MMS19: variants seen among roughly 807,000 people sequenced by gnomAD.
MMS19 encodes MMS19 nucleotide excision repair protein homolog.
Under a neutral mutation model 129.8 loss-of-function variants are expected in MMS19, and 77 were observed. That is an observed-to-expected ratio of 0.59 (90% CI 0.49 to 0.72). The LOEUF (loss-of-function observed/expected upper bound fraction) is 0.72. MMS19 is among the 30% of genes least tolerant of loss of function. MMS19 has a pLI of 0.00. For missense variants in MMS19, 1,168 were observed against 1,266.3 expected, an observed-to-expected ratio of 0.92 and a Z score of 1.18; for synonymous variants, 491 against 502.8, an observed-to-expected ratio of 0.98 and a Z score of 0.31.
chr10:97,488,497 G>C (rs2038302795), intron 1 of MMS19, among the ~76,000 whole-genome samples: 3 of 152,122 alleles, frequency 2.0e-5, no homozygotes, highest in African/African-American at 7.2e-5. Flanking sequence ...GACCTCCTGA[G>C]GATACTAAAA....
chr10:97,469,629 A>T lies in MMS19; in HGVS notation c.924+17T>A, dbSNP rs763737381. ...ATTGAAAGTTAACAGTAGTGAGTTT[A>T]TCTGAGTGACACTCACCTCTCTGCG... On this transcript the variant is annotated intron_variant, in intron 11 of 30. Transcript: ENST00000438925. 6.3e-7 allele frequency: 1 copy of T among 1,598,538 alleles called. No homozygotes were observed. Among genetic ancestry groups the T allele is most frequent in the Non-Finnish European group, 8.6e-7 (1 of 1,165,928 alleles).
intron 1 of MMS19, among the ~76,000 whole-genome samples, chr10:97,494,560 T>G (rs545780157): frequency 6.6e-6 from 1 of 152,320 alleles, no homozygotes; most frequent in Non-Finnish European, 1.5e-5. Context: ...CTTTAATACT[T>G]TGACTTAAGG....
chr10:97,485,788 C>T (rs564120491), intron 1 of MMS19, among the ~76,000 whole-genome samples: 7 of 152,298 alleles, frequency 4.6e-5, no homozygotes, highest in African/African-American at 1.7e-4. Flanking sequence ...CACTTCATAC[C>T]TGCTAGGATG....
intron 2 of MMS19, among the ~76,000 whole-genome samples, chr10:97,482,735 TATACACACACACACACAC>T (rs2037058600): frequency 7.3e-6 from 1 of 137,802 alleles, no homozygotes; most frequent in East Asian, 2.4e-4. Flanking sequence ...TGTGTATATA[TATACACACACACACACAC>T]ACACACACAC....
At chr10:97,459,307 A>T (rs1250772381) in intron 28 of MMS19, 25 bp from the exon 29 acceptor site, 2 of 1,613,124 alleles carry the variant, frequency 1.2e-6, no homozygotes, top group Non-Finnish European at 1.7e-6. Context: ...CAAGGAGGTG[A>T]GAGCATGCCC....
Position 97,466,854 on chromosome 10 carries a change from A to C in MMS19, c.1345T>G (p.Phe449Val), listed in dbSNP as rs1160447937. Reference sequence around the variant, plus strand: ...GTGCTGGGGTCTGTTAGAGCCATGAATACCAGTGAGCACAGCTGGTCCTTG... The same window carrying C: ...GTGCTGGGGTCTGTTAGAGCCATGACTACCAGTGAGCACAGCTGGTCCTTG... Reference protein sequence around the residue: ...GFKDQLCSLVFMALTDPSTQL... With the variant: ...GFKDQLCSLVVMALTDPSTQL... Residue 449 changes from phenylalanine (F) to valine (V), a missense_variant, in exon 15 of 31, where the codon TTC (phenylalanine) becomes GTC (valine). Coordinates refer to ENST00000438925, the MANE Select transcript of MMS19 (RefSeq NM_022362.5). 1 of 1,614,028 alleles carries C rather than the reference A, an allele frequency of 6.2e-7. No individual in the cohort carries two copies. Among genetic ancestry groups the C allele is most frequent in the East Asian group, 2.2e-5 (1 of 44,882 alleles).
At position 97,477,939 on chromosome 10, in the gene MMS19, A is replaced by G. The variant is rs2036061917; in HGVS notation, c.349-10T>C. On this transcript the variant is annotated splice_polypyrimidine_tract_variant and intron_variant, in intron 4 of 30. Transcript: ENST00000438925. ...GGGCCACACACAGGCTCTGGGGGAG[A>G]GGAGAAGGTACGTGAATACCGAAGG... 1 of 1,580,504 alleles carries G rather than the reference A, an allele frequency of 6.3e-7. No individual in the cohort carries two copies.
intron 26 of MMS19, 140 bp from the exon 27 acceptor site, chr10:97,459,881 C>T (rs928804450): frequency 8.2e-5 from 80 of 972,856 alleles, no homozygotes; most frequent in Admixed American, 1.2e-4. Flanking sequence ...AAGCAAGATA[C>T]GCCCATGAAA....
chr10:97,488,418 G>A (rs2038284535), intron 1 of MMS19, among the ~76,000 whole-genome samples: 1 of 152,114 alleles, frequency 6.6e-6, no homozygotes, highest in Non-Finnish European at 1.5e-5. Flanking sequence ...CTTTAACCCA[G>A]GAAAGCTAGA....
intron 2 of MMS19, among the ~76,000 whole-genome samples, chr10:97,482,870 C>G (rs2037121283): frequency 6.6e-6 from 1 of 152,042 alleles, no homozygotes; most frequent in South Asian, 2.1e-4. Context: ...ACCCCATCCT[C>G]CTACCTCAGC....
At chr10:97,479,741 C>T (rs1405453564) in intron 3 of MMS19, among the ~76,000 whole-genome samples, 1 of 151,486 alleles carries the variant, frequency 6.6e-6, no homozygotes, top group Non-Finnish European at 1.5e-5. Flanking sequence ...TGTACATTAC[C>T]ATATAATGTA....
chr10:97,469,835 G>A, intron 10 of MMS19, 112 bp from the exon 11 acceptor site: 1 of 879,624 alleles, frequency 1.1e-6, no homozygotes, highest in South Asian at 1.5e-5. Flanking sequence ...AGAAAAACCA[G>A]TTAAGATTTT....
rs868668959 is a variant in MMS19 at position 97,460,932 on chromosome 10, C to T, written c.2387G>A (p.Ser796Asn). 6.3e-7 allele frequency: 1 copy of T among 1,582,706 alleles called. No individual in the cohort carries two copies. Among genetic ancestry groups the T allele is most frequent in the Middle Eastern group, 1.7e-4 (1 of 6,030 alleles). Residue 796 changes from serine to asparagine, a missense_variant, in exon 24 of 31, where the codon AGT becomes AAT. Physicochemically the swap from Ser to Asn is conservative, Grantham distance 46. Transcript: ENST00000438925. The part of the protein sequence containing the change: ...EAGLGSGPCR[S>N]QAFTLLLWVT... ...CCAGAGAAGAAGAGTGAAGGCCTGA[C>T]TACGACAGGGCCCAGAGCCCAGGCC...
At chr10:97,466,479 C>G (rs1459661960) in intron 16 of MMS19, 25 bp downstream of exon 16, 2 of 1,568,444 alleles carry the variant, frequency 1.3e-6, no homozygotes, top group Admixed American at 1.7e-5. Context: ...ACAGCTTGCT[C>G]TATCTCATTG....
rs1388178982 is a variant in MMS19 at position 97,459,379 on chromosome 10, T to C, written c.2887A>G (p.Ser963Gly). 6.2e-7 allele frequency: 1 copy of C among 1,605,392 alleles called. No individual in the cohort carries two copies. Among genetic ancestry groups the C allele is most frequent in the Non-Finnish European group, 8.5e-7 (1 of 1,176,010 alleles). The change falls in exon 28 of 31, where the codon AGC (serine) becomes GGC (glycine). Residue 963 changes from serine (S) to glycine (G), a missense_variant. Physicochemically the swap from Ser to Gly is moderately conservative, Grantham distance 56 (BLOSUM62 0). Around this residue, in one of 3 missense-constraint regions of MMS19, gnomAD observed 831 missense variants for 910.8 expected, o/e 0.91. Coordinates refer to ENST00000438925, the MANE Select transcript of MMS19 (RefSeq NM_022362.5). ...CAACGCACCATGGAAGGGCTAGAGC[T>C]GAGGTTCAGAAACTTGGTGACGAGG... ...DTLVTKFLNLSSSPSMAVRIA... is the reference protein window; with the variant it reads ...DTLVTKFLNLGSSPSMAVRIA...
intron 29 of MMS19, among the ~76,000 whole-genome samples, 159 bp downstream of exon 29, chr10:97,459,064 G>A (rs1035787057): frequency 2.6e-5 from 4 of 152,054 alleles, no homozygotes; most frequent in African/African-American, 9.7e-5. Context: ...CTGGGCCCAA[G>A]GAAAAGAATC....
At chr10:97,472,866 C>A (rs1299188924) in intron 8 of MMS19, among the ~76,000 whole-genome samples, 1 of 151,994 alleles carries the variant, frequency 6.6e-6, no homozygotes, top group East Asian at 1.9e-4. Flanking sequence ...CTCAGCCTCC[C>A]AAAGTAGCGG....
rs1463492429 is a variant in MMS19 at position 97,460,614 on chromosome 10, G to A, written c.2469+81C>T. The A allele has an allele frequency of 3.2e-5, 37 of 1,148,698 alleles. 1 individual carries two copies. The highest frequency in any genetic ancestry group is 2.4e-4 in the Admixed American group (12 of 49,918). The allele number at this position is 1,148,698 out of a possible 1,614,324, so 71.2% of individuals were successfully genotyped here. A position where few individuals can be genotyped will look rare whatever the true frequency, so the allele number is the denominator to read the frequency against. Reference sequence around the variant, plus strand: ...AGAAAACAAAAAACACACAGGGGAGGATGGAAGTCCTTGGGAGGAATAGGA... The same window carrying A: ...AGAAAACAAAAAACACACAGGGGAGAATGGAAGTCCTTGGGAGGAATAGGA... On this transcript the variant is annotated intron_variant, in intron 25 of 30. Coordinates refer to ENST00000438925, the MANE Select transcript of MMS19 (RefSeq NM_022362.5).
rs575384563 is a variant in MMS19, at chr10:97,468,679, T to C, written c.1064-273A>G. On this transcript the variant is annotated intron_variant, in intron 12 of 30. Transcript: ENST00000438925. ...CCCAAGCTGGAGTGCAGTGGCGCAA[T>C]CTCAGCTCACCGCAACCTCTGCCTT... 5.4e-4 allele frequency among the ~76,000 whole-genome samples: 82 copies of C among 152,162 alleles called. 1 individual carries two copies. Among genetic ancestry groups the C allele is most frequent in the Non-Finnish European group, 2.8e-4 (19 of 67,992 alleles).
Sources: gnomAD v4.1 joint callset for allele counts (sites outside exome capture counted in the v4.1 genomes callset) on GRCh38, gnomAD v4.1.1 for gene constraint, gnomAD v4.1.1 regional missense constraint, MANE v1.5 for transcripts, NCBI Gene and HGNC (gene_info 2026-07-23, HGNC 2026-07-21) for gene names.